Variants in METTL8 observed in about 807,000 individuals in gnomAD.
METTL8 encodes methyltransferase 8, tRNA N3-cytidine.
A neutral mutation model predicts 48.7 loss-of-function variants in METTL8; 32 were observed. The observed-to-expected ratio is 0.66, with a 90% CI of 0.50 to 0.88. The LOEUF is 0.88. Ranked by LOEUF, METTL8 falls within the 40% of genes least tolerant of loss-of-function variation. The pLI is 0.00. For missense variants in METTL8, 464 were observed against 474.4 expected (o/e 0.98, Z 0.20); for synonymous variants, 136 against 157.1 (o/e 0.87, Z 1.01).
Position 171,360,467 on chromosome 2 carries a change from T to C in METTL8, c.190A>G (p.Lys64Glu), listed in dbSNP as rs760042743. 1.4e-5 allele frequency: 23 copies of C among 1,613,964 alleles called. No homozygotes were observed. The highest frequency in any genetic ancestry group is 3.3e-4 in the Middle Eastern group (2 of 6,028). Residue 64 changes from lysine to glutamate, a missense_variant, in exon 3 of 10, where the codon AAA (lysine) becomes GAA (glutamate). By Grantham distance (56) the Lys-to-Glu change is moderately conservative. Transcript: ENST00000375258. ...SKEEEAAARK[K>E]VKENSAVRVL... ...CGCACAGCTGAGTTTTCTTTTACTT[T>C]TTTTCTGGCTGCTGCTTCTTCTTCC...
rs1431337751 is a variant in METTL8 at position 171,326,201 on chromosome 2, T to C, written c.861-53A>G. ...CCCAGTTTGTAGAAATCTTGTTTTA[T>C]ATGCTGGATTTAACTTTGTTGAAGA... On this transcript the variant is annotated intron_variant, in intron 7 of 9. Coordinates refer to ENST00000375258, the MANE Select transcript of METTL8 (RefSeq NM_001321154.2). 4.1e-6 allele frequency: 4 copies of C among 966,218 alleles called. No homozygotes were observed. The Admixed American group carries it at 7.8e-5, about 19-fold the overall frequency. The allele number at this position is 966,218 out of a possible 1,614,324, so 59.9% of individuals were successfully genotyped here.
chr2:171,405,825 T>A (rs1690122119), intron 1 of METTL8, among the ~76,000 whole-genome samples: 1 of 151,668 alleles, frequency 6.6e-6, no homozygotes, highest in African/African-American at 2.4e-5. Context: ...AACAGGTGAG[T>A]TTGTAGTAGA....
At chr2:171,424,262 G>T (rs552814319) in intron 1 of METTL8, among the ~76,000 whole-genome samples, 1 of 138,952 alleles carries the variant, frequency 7.2e-6, no homozygotes, top group Non-Finnish European at 1.6e-5. Flanking sequence ...ATGGCAGTGC[G>T]GAAGGGAAAT....
intron 3 of METTL8, among the ~76,000 whole-genome samples, chr2:171,354,802 A>T (rs12989392): frequency 1.3e-5 from 2 of 152,150 alleles, no homozygotes; most frequent in African/African-American, 2.4e-5. Context: ...CATGGTTTTC[A>T]GCTCCATCAG....
At chr2:171,418,140 T>A (rs940271759) in intron 1 of METTL8, among the ~76,000 whole-genome samples, 1 of 152,148 alleles carries the variant, frequency 6.6e-6, no homozygotes, top group African/African-American at 2.4e-5. Context: ...AGATGGGGTG[T>A]CACTGTGTTA....
At chr2:171,434,228 G>A, upstream of METTL8, 2 of 445,342 alleles carry the variant, frequency 4.5e-6, no homozygotes, top group Non-Finnish European at 9.0e-6. Context: ...GTTCCTGGGA[G>A]AAGCCGGGCT....
At chr2:171,418,278 G>C (rs978212125) in intron 1 of METTL8, among the ~76,000 whole-genome samples, 2 of 152,022 alleles carry the variant, frequency 1.3e-5, no homozygotes, top group Non-Finnish European at 2.9e-5. Flanking sequence ...TATTTATTCT[G>C]ACAGTATCTC....
chr2:171,386,805 GC>G (rs1346384929), intron 2 of METTL8, among the ~76,000 whole-genome samples: 10 of 151,988 alleles, frequency 6.6e-5, no homozygotes, highest in Non-Finnish European at 5.9e-5. Flanking sequence ...GGCCTGCCAC[GC>G]CCCGATCCTA....
At chr2:171,400,326 T>C (rs1035448581) in intron 1 of METTL8, among the ~76,000 whole-genome samples, 10 of 152,188 alleles carry the variant, frequency 6.6e-5, no homozygotes, top group African/African-American at 2.4e-4. Flanking sequence ...ATACATATAA[T>C]TCACCCATTT....
chr2:171,391,859 C>T (rs1453397080), intron 2 of METTL8, among the ~76,000 whole-genome samples, 184 bp downstream of exon 2: 1 of 152,200 alleles, frequency 6.6e-6, no homozygotes, highest in Non-Finnish European at 1.5e-5. Context: ...TCTTCCAATT[C>T]CATTTGCAAT....
intron 1 of METTL8, among the ~76,000 whole-genome samples, chr2:171,398,856 A>T (rs1049518084): frequency 1.3e-5 from 2 of 152,198 alleles, no homozygotes; most frequent in Non-Finnish European, 2.9e-5. Context: ...CCAAAAAAGT[A>T]AAAAATAAAT....
Position 171,319,207 on chromosome 2 carries a change from C to T in METTL8, c.*4965G>A, listed in dbSNP as rs1440721933. On this transcript the variant is annotated 3_prime_UTR_variant, in exon 10 of 10. Transcript: ENST00000375258. The stretch of plus-strand genomic sequence containing the variant: ...CTGCCTTGTAGATTAATAACAATAC[C>T]TCACATATATTTAATGCTCTAGAAT... The T allele has an allele frequency of 1.3e-5, 2 of 152,110 alleles. No homozygotes were observed. Among genetic ancestry groups the T allele is most frequent in the Non-Finnish European group, 2.9e-5 (2 of 68,030 alleles). 9.4% of individuals were successfully genotyped at this position (152,110 alleles called of 1,614,324 possible). A position where few individuals can be genotyped will look rare whatever the true frequency, so the allele number is the denominator to read the frequency against.
intron 1 of METTL8, 114 bp from the exon 2 acceptor site, chr2:171,392,311 G>C: frequency 1.3e-6 from 1 of 787,738 alleles, no homozygotes; most frequent in East Asian, 2.8e-5. Flanking sequence ...ATGAAAACTA[G>C]AAACTTTTTA....
chr2:171,403,379 C>A (rs994153444), intron 1 of METTL8, among the ~76,000 whole-genome samples: 2 of 152,052 alleles, frequency 1.3e-5, no homozygotes, highest in Non-Finnish European at 2.9e-5. Context: ...CAGATAAACC[C>A]CAGTTGACAG....
chr2:171,371,263 A>G (rs1026601297), intron 2 of METTL8, among the ~76,000 whole-genome samples: 1 of 152,156 alleles, frequency 6.6e-6, no homozygotes, highest in Non-Finnish European at 1.5e-5. Context: ...TATATTTGTA[A>G]CTCCAGGATG....
At position 171,392,202 on chromosome 2, in the gene METTL8, A is replaced by G. The variant is rs1395897766; in HGVS notation, c.-12-5T>C. On this transcript the variant is annotated splice_polypyrimidine_tract_variant and splice_region_variant and intron_variant, in intron 1 of 9. Coordinates refer to ENST00000375258, the MANE Select transcript of METTL8 (RefSeq NM_001321154.2). Reference sequence around the variant, plus strand: ...CATATTCATCCTAAGCAGTACCTAAAAAGTTACAAATGATTAATTAGTCAA... The same window carrying G: ...CATATTCATCCTAAGCAGTACCTAAGAAGTTACAAATGATTAATTAGTCAA... 4.5e-6 allele frequency: 7 copies of G among 1,548,194 alleles called. No homozygotes were observed. Among genetic ancestry groups the G allele is most frequent in the Non-Finnish European group, 6.1e-6 (7 of 1,145,060 alleles).
intron 1 of METTL8, among the ~76,000 whole-genome samples, chr2:171,421,027 A>G (rs1691817118): frequency 6.6e-6 from 1 of 152,216 alleles, no homozygotes; most frequent in Non-Finnish European, 1.5e-5. Context: ...CAACACTGCA[A>G]TGGAGGTCTT....
intron 2 of METTL8, among the ~76,000 whole-genome samples, chr2:171,382,864 G>A (rs537356420): frequency 6.6e-6 from 1 of 152,100 alleles, no homozygotes; most frequent in South Asian, 2.1e-4. Flanking sequence ...CCCGAGGTCA[G>A]CAGTTCAAGA....
chr2:171,419,323 T>C (rs988801225), intron 1 of METTL8, among the ~76,000 whole-genome samples: 1 of 152,208 alleles, frequency 6.6e-6, no homozygotes, highest in African/African-American at 2.4e-5. Context: ...CTATATATAA[T>C]GTGTTTCTAT....
Sources: gnomAD v4.1 joint callset for allele counts (sites outside exome capture counted in the v4.1 genomes callset) on GRCh38, gnomAD v4.1.1 for gene constraint, MANE v1.5 for transcripts, NCBI Gene and HGNC (gene_info 2026-07-23, HGNC 2026-07-21) for gene names.